GBF1: variants seen among roughly 807,000 people sequenced by gnomAD.
GBF1 encodes Golgi-specific brefeldin A-resistance guanine nucleotide exchange factor 1.
Under a neutral mutation model 210.5 loss-of-function variants are expected in GBF1, and 114 were observed. That is an observed-to-expected ratio of 0.54 (90% CI 0.47 to 0.63). GBF1 has a LOEUF of 0.63. Among genes scored for constraint, GBF1 ranks in the 30% least tolerant of loss-of-function variants. The probability of loss-of-function intolerance (pLI) is 0.00; values close to 1 mark genes in which losing one functional copy is unlikely to be tolerated. For synonymous variants in GBF1, 850 were observed against 889.2 expected (o/e 0.96, Z 0.78); for missense variants, 1,851 against 2,357.7 (o/e 0.79, Z 4.45).
intron 3 of GBF1, among the ~76,000 whole-genome samples, chr10:102,328,982 C>T (rs543231099): frequency 6.6e-6 from 1 of 152,242 alleles, no homozygotes; most frequent in Admixed American, 6.5e-5. Context: ...AGTATACCAA[C>T]AGAAGTTTTT....
intron 8 of GBF1, among the ~76,000 whole-genome samples, chr10:102,354,100 G>C (rs544801106): frequency 1.3e-5 from 2 of 152,186 alleles, no homozygotes; most frequent in Non-Finnish European, 2.9e-5. Flanking sequence ...AAGAACCAAA[G>C]GGTTCTTAAA....
chr10:102,373,703 A>G (rs899186858), intron 29 of GBF1, among the ~76,000 whole-genome samples: 1 of 152,260 alleles, frequency 6.6e-6, no homozygotes, highest in Non-Finnish European at 1.5e-5. Context: ...GTAAAATGGT[A>G]CAGCTACTCT....
At position 102,376,372 on chromosome 10, in the gene GBF1, G is replaced by C; in HGVS notation, c.3987G>C (p.Arg1329Ser). Residue 1329 changes from arginine (R) to serine (S), a missense_variant, in exon 31 of 40, where the codon AGG becomes AGC. Physicochemically the swap from Arg to Ser is moderately radical, Grantham distance 110. Coordinates refer to ENST00000369983, the MANE Select transcript of GBF1 (RefSeq NM_001377137.1). ...CAGAGGTCTACACTGACCATGGCAG[G>C]CCGGGCAAGATACACCGATCAGCCA... ...SDSEVYTDHG[R>S]PGKIHRSATD... 6.2e-7 allele frequency: 1 copy of C among 1,614,140 alleles called. No individual in the cohort carries two copies. Among genetic ancestry groups the C allele is most frequent in the Non-Finnish European group, 8.5e-7 (1 of 1,180,002 alleles).
chr10:102,375,977 G>A (rs1252126176), intron 30 of GBF1, among the ~76,000 whole-genome samples: 1 of 152,004 alleles, frequency 6.6e-6, no homozygotes, highest in Non-Finnish European at 1.5e-5. Flanking sequence ...CCTCAGGACA[G>A]TGGAAAGCCT....
At chr10:102,319,767 C>T (rs1348753271) in intron 3 of GBF1, among the ~76,000 whole-genome samples, 1 of 137,892 alleles carries the variant, frequency 7.3e-6, no homozygotes, top group African/African-American at 2.7e-5. Flanking sequence ...TCACTCATGT[C>T]GCCCAGGCTG....
intron 3 of GBF1, among the ~76,000 whole-genome samples, chr10:102,312,496 C>T (rs1482192334): frequency 1.3e-5 from 2 of 152,124 alleles, no homozygotes; most frequent in Non-Finnish European, 2.9e-5. Flanking sequence ...TTTAATGCTA[C>T]TAAAGTTTAG....
intron 3 of GBF1, among the ~76,000 whole-genome samples, chr10:102,274,137 C>T (rs1467143390): frequency 6.6e-6 from 1 of 152,142 alleles, no homozygotes; most frequent in African/African-American, 2.4e-5. Context: ...AGTTCCTGTT[C>T]TCATAGTTTA....
At chr10:102,293,764 G>GTATTTTTT (rs2076641356) in intron 3 of GBF1, among the ~76,000 whole-genome samples, 5 of 50,888 alleles carry the variant, frequency 9.8e-5, no homozygotes, top group Admixed American at 2.9e-4. Flanking sequence ...GCTGTAGTAT[G>GTATTTTTT]TTTTGTGTTT....
Position 102,358,539 on chromosome 10 carries a change from TCTC to T in GBF1, c.825_827del (p.Ser276del), listed in dbSNP as rs776700772. ...CCCTTCATTGATGTGCCCACTCCCA[TCTC>T]CTCTGCAAGTTCAGAAGCTGCCTCA... is the stretch of plus-strand genomic sequence containing the variant. On this transcript the variant is annotated inframe_deletion, in exon 10 of 40. Coordinates refer to ENST00000369983, the MANE Select transcript of GBF1 (RefSeq NM_001377137.1). 4 of 1,613,942 alleles carry T rather than the reference TCTC, an allele frequency of 2.5e-6. No individual in the cohort carries two copies. Among genetic ancestry groups the T allele is most frequent in the African/African-American group, 2.7e-5 (2 of 75,028 alleles).
At chr10:102,364,980 C>T (rs80282642) in intron 17 of GBF1, among the ~76,000 whole-genome samples, 5,358 of 152,274 alleles carry the variant, frequency 0.035, 152 homozygotes, top group African/African-American at 0.081. Flanking sequence ...ACAGTTAGTC[C>T]ACTTTGTCTT....
At chr10:102,235,065 C>T in the GBF1 span, among the ~76,000 whole-genome samples, 29 of 152,106 alleles carry the variant, frequency 1.9e-4, no homozygotes, top group Admixed American at 1.6e-3. Context: ...CCCACACATG[C>T]GCTGCCACAT....
chr10:102,273,806 A>T (rs1287652837), intron 3 of GBF1, among the ~76,000 whole-genome samples: 1 of 152,226 alleles, frequency 6.6e-6, no homozygotes, highest in African/African-American at 2.4e-5. Context: ...AGTCGTTATA[A>T]TCCTGGAAAA....
chr10:102,292,833 A>T (rs1036613134), intron 3 of GBF1, among the ~76,000 whole-genome samples: 1 of 152,218 alleles, frequency 6.6e-6, no homozygotes, highest in Non-Finnish European at 1.5e-5. Context: ...TTAAAGAGGT[A>T]AATATACACA....
chr10:102,275,873 A>G lies in GBF1; in HGVS notation c.163+15757A>G, dbSNP rs540926176. On this transcript the variant is annotated intron_variant, in intron 3 of 39. Coordinates refer to ENST00000369983, the MANE Select transcript of GBF1 (RefSeq NM_001377137.1). ...AATGGACTTCGGTTCTCAGACTCCA[A>G]GTAGGTTTCATTAATCCTCCCAAGT... Among the ~76,000 whole-genome samples the G allele has an allele frequency of 4.6e-5, 7 of 152,346 alleles. No individual in the cohort carries two copies. The East Asian group carries it at 7.7e-4, about 17-fold the overall frequency.
At chr10:102,312,250 AC>A (rs2078514254) in intron 3 of GBF1, among the ~76,000 whole-genome samples, 1 of 151,508 alleles carries the variant, frequency 6.6e-6, no homozygotes, top group Admixed American at 6.6e-5. Context: ...CTGAGATCTT[AC>A]CATTGCACTC....
chr10:102,288,882 C>A (rs2133608859), intron 3 of GBF1, among the ~76,000 whole-genome samples: 1 of 152,182 alleles, frequency 6.6e-6, no homozygotes, highest in South Asian at 2.1e-4. Context: ...GGGCGGATTA[C>A]TTGTGGCCAG....
intron 3 of GBF1, among the ~76,000 whole-genome samples, chr10:102,291,387 A>T (rs2076424807): frequency 6.6e-6 from 1 of 152,126 alleles, no homozygotes; most frequent in Admixed American, 6.6e-5. Flanking sequence ...TGTCCATGAT[A>T]GGAGGGGAGT....
intron 3 of GBF1, among the ~76,000 whole-genome samples, chr10:102,310,149 G>A (rs1204356513): frequency 6.6e-6 from 1 of 152,164 alleles, no homozygotes; most frequent in Admixed American, 6.5e-5. Flanking sequence ...CATATGTTTC[G>A]CCTTCAAGGC....
In GBF1 at chr10:102,353,600, G is replaced by A. The variant is rs1429742963; in HGVS notation, c.585G>A (p.Arg195=). 4 of 1,596,812 alleles carry A rather than the reference G, an allele frequency of 2.5e-6. No homozygotes were observed. Among genetic ancestry groups the A allele is most frequent in the Middle Eastern group, 1.7e-4 (1 of 6,042 alleles). Residue 195 remains arginine, a splice_region_variant and synonymous_variant, in exon 8 of 40, where the codon AGG becomes AGA. Coordinates refer to ENST00000369983, the MANE Select transcript of GBF1 (RefSeq NM_001377137.1). ...LVDMVQLLFT[R]LPQFKEEPKN... ...AGTTGATGGATTTTCTATCTTATAG[G>A]TTACCTCAGTTTAAAGAAGAACCCA... is the stretch of plus-strand genomic sequence containing the variant.
Sources: allele counts gnomAD v4.1 joint callset (sites outside exome capture counted in the v4.1 genomes callset), GRCh38; gene constraint gnomAD v4.1.1; transcripts MANE v1.5; gene names NCBI Gene and HGNC (gene_info 2026-07-23, HGNC 2026-07-21).